Variants in YIPF7 observed in about 807,000 individuals in gnomAD.
YIPF7 encodes the protein Yip1 domain family member 7.
A neutral mutation model predicts 27.2 loss-of-function variants in YIPF7; 35 were observed. The ratio of observed to expected loss-of-function variants is 1.29; its 90% CI spans 0.98 to 1.70. The LOEUF (loss-of-function observed/expected upper bound fraction) is 1.70. YIPF7 is among the 40% of genes most tolerant of loss of function. The probability of loss-of-function intolerance (pLI) is 0.00; values close to 1 mark genes in which losing one functional copy is unlikely to be tolerated. For missense variants in YIPF7, 358 were observed against 303.7 expected (o/e 1.18, Z -1.33); for synonymous variants, 137 against 110.4 (o/e 1.24, Z -1.51).
At chr4:44,633,710 C>T (rs1044016874) in intron 3 of YIPF7, among the ~76,000 whole-genome samples, 4 of 123,902 alleles carry the variant, frequency 3.2e-5, no homozygotes, top group Non-Finnish European at 7.5e-5. Context: ...AGGTGGCAAA[C>T]ACAAGCTAGG....
chr4:44,627,590 G>A (rs1429534481), intron 4 of YIPF7, among the ~76,000 whole-genome samples: 1 of 152,030 alleles, frequency 6.6e-6, no homozygotes, highest in East Asian at 1.9e-4. Context: ...GGAGTTTTTG[G>A]GGAGTCCTTT....
chr4:44,627,488 A>G (rs1180783524), intron 4 of YIPF7, among the ~76,000 whole-genome samples: 3 of 152,080 alleles, frequency 2.0e-5, no homozygotes, highest in African/African-American at 7.2e-5. Context: ...CGGTAAAATC[A>G]CTCTTACATT....
At chr4:44,659,093 G>A (rs1405354037) in intron 2 of YIPF7, among the ~76,000 whole-genome samples, 3 of 152,132 alleles carry the variant, frequency 2.0e-5, no homozygotes, top group African/African-American at 7.2e-5. Context: ...TGCAGAGTTG[G>A]CTGGATCATG....
At chr4:44,625,048 T>C (rs559931076) in intron 4 of YIPF7, among the ~76,000 whole-genome samples, 9 of 152,334 alleles carry the variant, frequency 5.9e-5, no homozygotes, top group African/African-American at 2.2e-4. Context: ...TATTTTTTAC[T>C]CTAAATTGTC....
upstream of YIPF7, among the ~76,000 whole-genome samples, chr4:44,653,776 T>A (rs1286662421): frequency 6.6e-6 from 1 of 152,158 alleles, no homozygotes; most frequent in Non-Finnish European, 1.5e-5. Flanking sequence ...TACCATCTTT[T>A]CTATTCCTTC....
chr4:44,635,881 C>A, intron 3 of YIPF7, 41 bp downstream of exon 3: 2 of 1,600,888 alleles, frequency 1.2e-6, no homozygotes, highest in South Asian at 2.2e-5. Flanking sequence ...TGCTATTATT[C>A]TTCTAGCTGT....
At chr4:44,645,855 T>G (rs1271048601) in intron 2 of YIPF7, among the ~76,000 whole-genome samples, 1 of 152,060 alleles carries the variant, frequency 6.6e-6, no homozygotes, top group South Asian at 2.1e-4. Flanking sequence ...TATACATTCA[T>G]TGAAAAATAG....
chr4:44,639,974 T>C (rs749997286), intron 2 of YIPF7, among the ~76,000 whole-genome samples: 1 of 152,226 alleles, frequency 6.6e-6, no homozygotes, highest in Non-Finnish European at 1.5e-5. Context: ...CTTGGCTCTG[T>C]TTATGTGATT....
rs1251816515 is a variant in YIPF7 at position 44,624,796 on chromosome 4, A to AAG, written c.427-16_427-15dup. 1 of 1,597,988 alleles carries AAG rather than the reference A, an allele frequency of 6.3e-7. No individual in the cohort carries two copies. The highest frequency in any genetic ancestry group is 2.2e-5 in the East Asian group (1 of 44,534). ...AACTTTTCCTGCCTGAAACGACGTG[A>AAG]AGAAAAAACAGTTTGAACACACAAT... On this transcript the variant is annotated splice_polypyrimidine_tract_variant and intron_variant, in intron 4 of 5. Coordinates refer to ENST00000415895, the MANE Select transcript of YIPF7 (RefSeq NM_182592.3).
intron 3 of YIPF7, 99 bp downstream of exon 3, chr4:44,635,823 A>G: frequency 7.6e-7 from 1 of 1,323,094 alleles, no homozygotes; most frequent in Non-Finnish European, 1.0e-6. Context: ...AATCAAACAT[A>G]AGACACTGTA....
chr4:44,626,529 AT>A (rs1712643936), intron 4 of YIPF7, among the ~76,000 whole-genome samples: 1 of 152,058 alleles, frequency 6.6e-6, no homozygotes, highest in Non-Finnish European at 1.5e-5. Context: ...GATGAAGCTA[AT>A]TTGGTAGTAA....
chr4:44,629,549 C>G lies in YIPF7; in HGVS notation c.281-1G>C. 1.3e-6 allele frequency: 2 copies of G among 1,516,234 alleles called. No homozygotes were observed. Among genetic ancestry groups the G allele is most frequent in the Non-Finnish European group, 1.8e-6 (2 of 1,133,104 alleles). The allele number at this position is 1,516,234 out of a possible 1,614,324, so 93.9% of individuals were successfully genotyped here. A position where few individuals can be genotyped will look rare whatever the true frequency, so the allele number is the denominator to read the frequency against. ...ATGTGATCAAAATGGATTCCAAGTTCTGTAAAAAGGAAAAAAGATAAATAA... is the reference window on the plus strand; with the variant it reads ...ATGTGATCAAAATGGATTCCAAGTTGTGTAAAAAGGAAAAAAGATAAATAA... On this transcript the variant is annotated splice_acceptor_variant, in intron 3 of 5. Coordinates refer to ENST00000415895, the MANE Select transcript of YIPF7 (RefSeq NM_182592.3). LOFTEE classifies it high-confidence loss of function.
intron 4 of YIPF7, among the ~76,000 whole-genome samples, chr4:44,627,230 A>C (rs1712692444): frequency 6.6e-6 from 1 of 152,198 alleles, no homozygotes; most frequent in Non-Finnish European, 1.5e-5. Flanking sequence ...GGTGTTGGAA[A>C]AGAAAATAAT....
chr4:44,631,274 T>C (rs1030590746), intron 3 of YIPF7, among the ~76,000 whole-genome samples: 2 of 152,184 alleles, frequency 1.3e-5, no homozygotes, highest in African/African-American at 4.8e-5. Context: ...ATGAGCCCAA[T>C]TCTTCCATGT....
chr4:44,640,914 G>A (rs1365404464), intron 2 of YIPF7, among the ~76,000 whole-genome samples: 4 of 152,020 alleles, frequency 2.6e-5, no homozygotes, highest in Admixed American at 2.6e-4. Flanking sequence ...TAAGGGCTAA[G>A]ATCTAGAATG....
intron 2 of YIPF7, among the ~76,000 whole-genome samples, chr4:44,660,130 A>AAAAAAAAAAAAAAAAAC (rs1560332853): frequency 6.8e-6 from 1 of 147,286 alleles, no homozygotes; most frequent in African/African-American, 2.5e-5. Context: ...AAAAAAAAAA[A>AAAAAAAAAAAAAAAAAC]AAAAAACGAA....
intron 3 of YIPF7, among the ~76,000 whole-genome samples, chr4:44,635,251 A>G (rs1040822313): frequency 6.6e-6 from 1 of 152,142 alleles, no homozygotes; most frequent in Non-Finnish European, 1.5e-5. Flanking sequence ...AACATTGTTT[A>G]AGAGCAAAAA....
intron 2 of YIPF7, among the ~76,000 whole-genome samples, chr4:44,638,787 T>C (rs1713224173): frequency 6.6e-6 from 1 of 152,230 alleles, no homozygotes; most frequent in South Asian, 2.1e-4. Context: ...CCAAAAGTTT[T>C]CCCTATGTTT....
At chr4:44,636,919 C>G (rs1329221870) in intron 2 of YIPF7, among the ~76,000 whole-genome samples, 1 of 152,158 alleles carries the variant, frequency 6.6e-6, no homozygotes, top group Non-Finnish European at 1.5e-5. Flanking sequence ...CCTCACCCTT[C>G]CAAGTATCAA....
Sources: allele counts gnomAD v4.1 joint callset (sites outside exome capture counted in the v4.1 genomes callset), GRCh38; gene constraint gnomAD v4.1.1; transcripts MANE v1.5; gene names NCBI Gene and HGNC (gene_info 2026-07-23, HGNC 2026-07-21).